The following GSG1L variants were observed in gnomAD, a reference collection of about 807,000 sequenced individuals.
GSG1L encodes germ cell-specific gene 1-like protein.
A neutral mutation model predicts 42.1 loss-of-function variants in GSG1L; 24 were observed. The ratio of observed to expected loss-of-function variants is 0.57; its 90% CI spans 0.41 to 0.80. The LOEUF (loss-of-function observed/expected upper bound fraction) is 0.80, where lower values mean the gene tolerates loss of function less well. Among genes scored for constraint, GSG1L ranks in the 30% least tolerant of loss-of-function variants. The pLI is 0.00. For synonymous variants in GSG1L, 215 were observed against 203.5 expected, an observed-to-expected ratio of 1.06 and a Z score of -0.48; for missense variants, 445 against 472.2, an observed-to-expected ratio of 0.94 and a Z score of 0.53.
In GSG1L at chr16:28,040,658, C is replaced by T. The variant is rs776568060; in HGVS notation, c.349+22418G>A. Among the ~76,000 whole-genome samples the T allele has an allele frequency of 1.3e-5, 2 of 152,246 alleles. No homozygotes were observed. The highest frequency in any genetic ancestry group is 4.8e-5 in the African/African-American group (2 of 41,470). On this transcript the variant is annotated intron_variant, in intron 1 of 6. Transcript: ENST00000447459. The surrounding 1 kb of genome is among the most constrained non-coding windows in gnomAD (Gnocchi z 4.1). ...AAGAGACCCGCAGGACATGAAGATG[C>T]TCTCAGAGCCCCCAGGCCTGAGAGC... is the stretch of plus-strand genomic sequence containing the variant.
In GSG1L at chr16:27,940,035, C is replaced by CAAGGATAAAGT. The variant is rs1567526948; in HGVS notation, c.397+23120_397+23121insACTTTATCCTT. Among the ~76,000 whole-genome samples the CAAGGATAAAGT allele has an allele frequency of 2.5e-4, 38 of 152,126 alleles. 2 individuals are homozygous for CAAGGATAAAGT. The East Asian group carries it at 6.0e-3, about 24-fold the overall frequency. On this transcript the variant is annotated intron_variant, in intron 2 of 6. Coordinates refer to ENST00000447459, the MANE Select transcript of GSG1L (RefSeq NM_001109763.2). ...AAAAACAAACAACCCCATCAAAAAG[C>CAAGGATAAAGT]GGGCAAGGATACGAACAGACACTTC...
At chr16:27,967,451 C>T (rs1023594453) in intron 1 of GSG1L, among the ~76,000 whole-genome samples, 3 of 152,186 alleles carry the variant, frequency 2.0e-5, no homozygotes, top group African/African-American at 7.2e-5. Context: ...GCTTCCCCTG[C>T]CCCCGCCTTG....
At chr16:28,030,877 A>T in intron 1 of GSG1L, among the ~76,000 whole-genome samples, 1 of 122,674 alleles carries the variant, frequency 8.2e-6, no homozygotes. Context: ...ATGGGATGGG[A>T]TGGGTTGGGA....
At chr16:27,827,499 T>C (rs967559255) in intron 5 of GSG1L, among the ~76,000 whole-genome samples, 5 of 151,850 alleles carry the variant, frequency 3.3e-5, no homozygotes, top group Non-Finnish European at 7.4e-5. Flanking sequence ...AGGTTGGCAC[T>C]AGGTTGGAGA....
intron 1 of GSG1L, among the ~76,000 whole-genome samples, chr16:28,046,268 C>T (rs927234561): frequency 4.6e-5 from 7 of 151,522 alleles, no homozygotes; most frequent in East Asian, 1.9e-4. Context: ...CATACACATC[C>T]GCAGGCCGTT....
chr16:27,912,024 G>T (rs989385193), intron 2 of GSG1L, among the ~76,000 whole-genome samples: 3 of 152,154 alleles, frequency 2.0e-5, no homozygotes, highest in African/African-American at 7.2e-5. Flanking sequence ...TTGAATAAAT[G>T]AATGATTTGT....
chr16:27,864,631 G>GT (rs1415145886), intron 3 of GSG1L, among the ~76,000 whole-genome samples: 3 of 152,212 alleles, frequency 2.0e-5, no homozygotes, highest in Non-Finnish European at 4.4e-5. Flanking sequence ...GAAAAATACG[G>GT]TTTTGCCTCA....
chr16:27,836,107 C>G (rs192998523), intron 4 of GSG1L, among the ~76,000 whole-genome samples: 1 of 152,024 alleles, frequency 6.6e-6, no homozygotes, highest in African/African-American at 2.4e-5. Flanking sequence ...ATTTTTGCCA[C>G]GTATAGAATT....
intron 1 of GSG1L, among the ~76,000 whole-genome samples, chr16:28,014,168 G>C (rs753542005): frequency 6.6e-6 from 1 of 152,226 alleles, no homozygotes; most frequent in South Asian, 2.1e-4. Flanking sequence ...GGAGGAAGTG[G>C]CCATTTTGTG....
At chr16:27,926,807 A>G (rs1319934200) in intron 2 of GSG1L, among the ~76,000 whole-genome samples, 1 of 152,258 alleles carries the variant, frequency 6.6e-6, no homozygotes, top group Non-Finnish European at 1.5e-5. Context: ...ACGTAAGTCA[A>G]GATAGCATAG....
At chr16:27,911,853 T>C (rs950871531) in intron 2 of GSG1L, among the ~76,000 whole-genome samples, 1 of 152,182 alleles carries the variant, frequency 6.6e-6, no homozygotes. Context: ...CTTATTGCCA[T>C]CTAATAATAC....
At chr16:27,969,625 A>G (rs576176363) in intron 1 of GSG1L, among the ~76,000 whole-genome samples, 14 of 152,224 alleles carry the variant, frequency 9.2e-5, no homozygotes, top group Non-Finnish European at 1.8e-4. Context: ...TCATCAGATA[A>G]TAGATACTTG....
At chr16:27,979,566 C>CA (rs554553352) in intron 1 of GSG1L, among the ~76,000 whole-genome samples, 2,716 of 96,496 alleles carry the variant, frequency 0.028, 47 homozygotes, top group Non-Finnish European at 0.041. Flanking sequence ...GAGAATCCAT[C>CA]AAAAAAAAAA....
chr16:28,008,010 G>A (rs1596695556), intron 1 of GSG1L, among the ~76,000 whole-genome samples: 1 of 152,184 alleles, frequency 6.6e-6, no homozygotes, highest in East Asian at 1.9e-4. Flanking sequence ...ACGAGCCGTT[G>A]TTCTTCTGTC....
At chr16:28,041,642 T>G (rs205391) in intron 1 of GSG1L, among the ~76,000 whole-genome samples, 1 of 152,078 alleles carries the variant, frequency 6.6e-6, no homozygotes, top group Non-Finnish European at 1.5e-5. Flanking sequence ...CTCTTCCCTC[T>G]TATTTATCCA....
chr16:27,903,381 C>A (rs2084285183), intron 2 of GSG1L, among the ~76,000 whole-genome samples: 1 of 152,096 alleles, frequency 6.6e-6, no homozygotes. Flanking sequence ...CTGCAGGGCT[C>A]CCTGGAAGCA....
chr16:27,866,173 C>G (rs1470228611), intron 3 of GSG1L, among the ~76,000 whole-genome samples: 1 of 152,180 alleles, frequency 6.6e-6, no homozygotes, highest in Non-Finnish European at 1.5e-5. Context: ...CTCTCACACA[C>G]AGATACATTC....
At chr16:27,874,457 T>TTTTTTTTTTTTTTTTTG (rs2083861331) in intron 3 of GSG1L, among the ~76,000 whole-genome samples, 1 of 60,442 alleles carries the variant, frequency 1.7e-5, no homozygotes, top group Non-Finnish European at 3.4e-5. Flanking sequence ...TTTTTTTTTT[T>TTTTTTTTTTTTTTTTTG]TTTTTTTTTT....
intron 1 of GSG1L, 59 bp from the exon 2 acceptor site, chr16:27,963,262 T>G: frequency 6.9e-7 from 1 of 1,457,644 alleles, no homozygotes; most frequent in Non-Finnish European, 9.6e-7. Flanking sequence ...TTCCGAGGTT[T>G]GCCTGCTCCC....
Sources: allele counts gnomAD v4.1 joint callset (sites outside exome capture counted in the v4.1 genomes callset), GRCh38; gene constraint gnomAD v4.1.1; non-coding constraint Gnocchi (gnomAD v3.1); transcripts MANE v1.5; gene names NCBI Gene and HGNC (gene_info 2026-07-23, HGNC 2026-07-21).